FARS2: variants seen among roughly 807,000 people sequenced by gnomAD.
The protein encoded by FARS2 is phenylalanyl-tRNA synthetase 2, mitochondrial, also known as phenylalanine--tRNA ligase, mitochondrial.
Under a neutral mutation model 46.4 loss-of-function variants are expected in FARS2, and 40 were observed. That is an observed-to-expected ratio of 0.86 (90% confidence interval 0.67 to 1.12). The LOEUF (loss-of-function observed/expected upper bound fraction) is 1.12. Ranked by LOEUF, FARS2 falls within the 50% of genes most tolerant of loss-of-function variation. The pLI is 0.00. For synonymous variants in FARS2, 234 were observed against 214.9 expected, an observed-to-expected ratio of 1.09 and a Z score of -0.78; for missense variants, 513 against 567.9, an observed-to-expected ratio of 0.90 and a Z score of 0.98.
At chr6:5,664,023 T>C (rs1348530206) in intron 6 of FARS2, among the ~76,000 whole-genome samples, 1 of 152,260 alleles carries the variant, frequency 6.6e-6, no homozygotes, top group Non-Finnish European at 1.5e-5. Context: ...CCTGGCCTCC[T>C]CAGCCCCTCT....
At chr6:5,578,202 C>G (rs1773101045) in intron 5 of FARS2, among the ~76,000 whole-genome samples, 2 of 152,132 alleles carry the variant, frequency 1.3e-5, no homozygotes, top group African/African-American at 4.8e-5. Flanking sequence ...TGTGTCTGCC[C>G]CAGTACCTTC....
At chr6:5,278,044 C>T (rs1374851443) in intron 1 of FARS2, among the ~76,000 whole-genome samples, 2 of 152,116 alleles carry the variant, frequency 1.3e-5, no homozygotes, top group African/African-American at 4.8e-5. Context: ...TGTCATTAAT[C>T]TAAATTATCA....
Position 5,630,170 on chromosome 6 carries a change from G to A in FARS2, c.1217+16850G>A, listed in dbSNP as rs1776234460. On this transcript the variant is annotated intron_variant, in intron 6 of 6. Transcript: ENST00000274680. The surrounding 1 kb of genome is among the most constrained non-coding windows in gnomAD (Gnocchi z 4.2). ...GAGCAAGGTGAGGAAAGGACCCGAG[G>A]GAACACCAAGGTTTAAAGGATGGTG... 6.6e-6 allele frequency among the ~76,000 whole-genome samples: 1 copy of A among 152,124 alleles called. No homozygotes were observed. The highest frequency in any genetic ancestry group is 2.1e-4 in the South Asian group (1 of 4,826).
chr6:5,709,209 A>C (rs1382612288), intron 6 of FARS2, among the ~76,000 whole-genome samples: 2 of 152,020 alleles, frequency 1.3e-5, no homozygotes, highest in African/African-American at 4.8e-5. Flanking sequence ...GTGGAATGAG[A>C]CTGAAGGTGG....
chr6:5,299,480 A>G (rs1297619986), intron 1 of FARS2, among the ~76,000 whole-genome samples: 1 of 152,196 alleles, frequency 6.6e-6, no homozygotes, highest in African/African-American at 2.4e-5. Context: ...TATAACAGCA[A>G]TGGCTGTCTT....
chr6:5,728,178 T>G (rs1760387150), intron 6 of FARS2, among the ~76,000 whole-genome samples: 1 of 152,166 alleles, frequency 6.6e-6, no homozygotes, highest in Non-Finnish European at 1.5e-5. Flanking sequence ...ACAGGGATAG[T>G]TTCCTGAGAA....
chr6:5,313,882 C>T (rs1769263109), intron 1 of FARS2, among the ~76,000 whole-genome samples: 1 of 150,264 alleles, frequency 6.7e-6, no homozygotes, highest in Admixed American at 6.6e-5. Context: ...AATAAATAAC[C>T]TCCCAATCCC....
chr6:5,366,819 TG>T (rs1190725839), intron 1 of FARS2, among the ~76,000 whole-genome samples: 1 of 152,208 alleles, frequency 6.6e-6, no homozygotes, highest in Non-Finnish European at 1.5e-5. Flanking sequence ...GCAAGGGTGC[TG>T]AGCTAGGTAG....
intron 6 of FARS2, among the ~76,000 whole-genome samples, chr6:5,745,664 A>C (rs1287736088): frequency 2.0e-5 from 3 of 152,108 alleles, no homozygotes; most frequent in African/African-American, 7.2e-5. Flanking sequence ...TCAGCCTTCT[A>C]AGGAGCTGGG....
intron 1 of FARS2, among the ~76,000 whole-genome samples, chr6:5,286,312 G>A (rs1767106661): frequency 6.6e-6 from 1 of 152,242 alleles, no homozygotes; most frequent in Middle Eastern, 3.4e-3. Context: ...ACCCAGGCTG[G>A]AGTGCAGGGG....
At chr6:5,483,978 T>TA (rs887147144) in intron 4 of FARS2, among the ~76,000 whole-genome samples, 1 of 151,924 alleles carries the variant, frequency 6.6e-6, no homozygotes, top group African/African-American at 2.4e-5. Context: ...CAGTAAAACT[T>TA]ACAGGCAATA....
chr6:5,497,887 T>G (rs1419862844), intron 4 of FARS2, among the ~76,000 whole-genome samples: 1 of 152,234 alleles, frequency 6.6e-6, no homozygotes, highest in Non-Finnish European at 1.5e-5. Context: ...GGCAATTAAC[T>G]GTTTTACATT....
chr6:5,590,525 A>T (rs1357687908), intron 5 of FARS2, among the ~76,000 whole-genome samples: 1 of 152,244 alleles, frequency 6.6e-6, no homozygotes, highest in Non-Finnish European at 1.5e-5. Context: ...GTGAGCATTC[A>T]TTCAGATCCA....
intron 4 of FARS2, among the ~76,000 whole-genome samples, chr6:5,479,388 A>C (rs1185250898): frequency 6.6e-6 from 1 of 152,220 alleles, no homozygotes; most frequent in Admixed American, 6.5e-5. Flanking sequence ...GCATTTTAGG[A>C]GGCTGAAGCA....
intron 3 of FARS2, among the ~76,000 whole-genome samples, chr6:5,416,231 T>C (rs1358495229): frequency 6.6e-6 from 1 of 152,224 alleles, no homozygotes; most frequent in South Asian, 2.1e-4. Context: ...GTCACAAAGA[T>C]TTTTCTACTA....
intron 2 of FARS2, among the ~76,000 whole-genome samples, chr6:5,369,801 C>G (rs566809802): frequency 6.6e-6 from 1 of 151,590 alleles, no homozygotes; most frequent in Non-Finnish European, 1.5e-5. Context: ...CAACTCCTTG[C>G]GTCTGTTAGA....
At chr6:5,436,428 C>A (rs1017500150) in intron 4 of FARS2, among the ~76,000 whole-genome samples, 4 of 152,202 alleles carry the variant, frequency 2.6e-5, no homozygotes, top group African/African-American at 9.7e-5. Context: ...TGGTAATAAA[C>A]ATGCCTTTTA....
chr6:5,768,409 A>G (rs1183680138), intron 6 of FARS2, among the ~76,000 whole-genome samples: 1 of 152,230 alleles, frequency 6.6e-6, no homozygotes, highest in African/African-American at 2.4e-5. Context: ...GCACATAGAA[A>G]TAGGAAAACA....
intron 5 of FARS2, among the ~76,000 whole-genome samples, chr6:5,558,090 C>G (rs1561711994): frequency 6.6e-6 from 1 of 152,072 alleles, no homozygotes; most frequent in Non-Finnish European, 1.5e-5. Flanking sequence ...TTCTAGGGAC[C>G]AAATGAAGTC....
Sources: allele counts gnomAD v4.1 joint callset (sites outside exome capture counted in the v4.1 genomes callset), GRCh38; gene constraint gnomAD v4.1.1; non-coding constraint Gnocchi (gnomAD v3.1); transcripts MANE v1.5; gene names NCBI Gene and HGNC (gene_info 2026-07-23, HGNC 2026-07-21).